MRPL18: variants seen among roughly 807,000 people sequenced by gnomAD.
MRPL18 encodes large ribosomal subunit protein uL18m.
MRPL18 carries 16 observed loss-of-function variants against 20.9 expected under a neutral mutation model. The ratio of observed to expected loss-of-function variants is 0.76; its 90% CI spans 0.52 to 1.16. The LOEUF (loss-of-function observed/expected upper bound fraction) is 1.16, where lower values mean the gene tolerates loss of function less well. Ranked by LOEUF, MRPL18 falls within the 50% of genes most tolerant of loss-of-function variation. MRPL18 has a pLI of 0.00. For synonymous variants in MRPL18, 91 were observed against 87.1 expected (o/e 1.04, Z -0.25); for missense variants, 233 against 230.6 (o/e 1.01, Z -0.07).
upstream of MRPL18, chr6:159,790,183 C>G (rs6929510): frequency 0.2 from 55,654 of 271,988 alleles, 6,143 homozygotes; most frequent in East Asian, 0.34. Flanking sequence ...CTTGCCCTGC[C>G]TTATTCCTAC....
intron 2 of MRPL18, among the ~76,000 whole-genome samples, chr6:159,792,023 C>A: frequency 6.6e-6 from 1 of 152,166 alleles, no homozygotes; most frequent in East Asian, 1.9e-4. Flanking sequence ...TGAACACTTA[C>A]ATTTGCCAGG....
intron 2 of MRPL18, among the ~76,000 whole-genome samples, chr6:159,791,677 G>C (rs1470945159): frequency 6.6e-6 from 1 of 152,158 alleles, no homozygotes; most frequent in Non-Finnish European, 1.5e-5. Flanking sequence ...AGCCGAAGAA[G>C]CCGGATCATC....
chr6:159,797,597 T>C (rs1781064421), intron 3 of MRPL18, 79 bp downstream of exon 3: 1 of 1,343,446 alleles, frequency 7.4e-7, no homozygotes, highest in Non-Finnish European at 1.0e-6. Flanking sequence ...ATAATAACAG[T>C]TTTTACTTAC....
At chr6:159,793,877 A>G (rs1050644254) in intron 2 of MRPL18, among the ~76,000 whole-genome samples, 8 of 151,430 alleles carry the variant, frequency 5.3e-5, no homozygotes, top group African/African-American at 1.9e-4. Context: ...GCGCCACTGC[A>G]CTCCAGCCTG....
intron 2 of MRPL18, among the ~76,000 whole-genome samples, chr6:159,795,659 C>T (rs887887357): frequency 6.6e-6 from 1 of 152,126 alleles, no homozygotes; most frequent in Admixed American, 6.5e-5. Context: ...TCTTTCTACA[C>T]AGACAGTAAC....
At chr6:159,793,132 G>C (rs543459119) in intron 2 of MRPL18, among the ~76,000 whole-genome samples, 2 of 151,882 alleles carry the variant, frequency 1.3e-5, no homozygotes, top group African/African-American at 4.8e-5. Context: ...CGGCCCCAAC[G>C]CATTACTTTG....
At chr6:159,794,845 A>G (rs911865844) in intron 2 of MRPL18, among the ~76,000 whole-genome samples, 1 of 152,324 alleles carries the variant, frequency 6.6e-6, no homozygotes, top group Middle Eastern at 3.4e-3. Flanking sequence ...AAGGGGACCC[A>G]GGGAACCAGC....
intron 2 of MRPL18, 39 bp downstream of exon 2, chr6:159,791,165 C>A (rs752513534): frequency 6.2e-7 from 1 of 1,604,684 alleles, no homozygotes; most frequent in Non-Finnish European, 8.5e-7. Context: ...GGCAGTGCAC[C>A]CTACAGACTA....
At chr6:159,792,368 T>A (rs1780923087) in intron 2 of MRPL18, among the ~76,000 whole-genome samples, 1 of 152,202 alleles carries the variant, frequency 6.6e-6, no homozygotes, top group Non-Finnish European at 1.5e-5. Context: ...GATGTATTAT[T>A]TATTTATTGA....
In MRPL18 at chr6:159,798,301, C is replaced by G; in HGVS notation, c.*178C>G. ...CCTTTCTGTTTTTTTAAATCAAGAA[C>G]TACGTTCTGCCCCTCTCTTGGGCTT... On this transcript the variant is annotated 3_prime_UTR_variant, in exon 4 of 4. Coordinates refer to ENST00000367034, the MANE Select transcript of MRPL18 (RefSeq NM_014161.5). 5.7e-6 allele frequency: 3 copies of G among 527,532 alleles called. No individual in the cohort carries two copies. The South Asian group carries it at 8.6e-5, about 15-fold the overall frequency. The allele number at this position is 527,532 out of a possible 1,614,324, so 32.7% of individuals were successfully genotyped here.
In MRPL18 at chr6:159,797,316, T is replaced by C. The variant is rs1370156794; in HGVS notation, c.269T>C (p.Val90Ala). ...CGAGTTATAAGGACTCAGCATCATG[T>C]AGAAGCACTTGTGGAGCATCAGAAT... is the stretch of plus-strand genomic sequence containing the variant. ...RLRVIRTQHH[V>A]EALVEHQNGK... Residue 90 changes from valine to alanine, a missense_variant, in exon 3 of 4, where the codon GTA becomes GCA. Coordinates refer to ENST00000367034, the MANE Select transcript of MRPL18 (RefSeq NM_014161.5). 1 of 1,614,114 alleles carries C rather than the reference T, an allele frequency of 6.2e-7. No homozygotes were observed. Among genetic ancestry groups the C allele is most frequent in the Non-Finnish European group, 8.5e-7 (1 of 1,180,044 alleles).
chr6:159,794,309 C>T (rs1297276773), intron 2 of MRPL18, among the ~76,000 whole-genome samples: 1 of 152,194 alleles, frequency 6.6e-6, no homozygotes, highest in Admixed American at 6.5e-5. Context: ...GAGCCAGACA[C>T]TGGGACTTAA....
In MRPL18 at chr6:159,790,661, C is replaced by G. The variant is rs769973389; in HGVS notation, c.52+22C>G. The G allele has an allele frequency of 8.1e-6, 13 of 1,613,342 alleles. No homozygotes were observed. The Admixed American group carries it at 8.3e-5, about 10-fold the overall frequency. ...CCTGGTAATTAGTCTTGCCCCCCTT[C>G]TCCCAGCTCACTCGCCTGGGCTTGC... On this transcript the variant is annotated intron_variant, in intron 1 of 3. Coordinates refer to ENST00000367034, the MANE Select transcript of MRPL18 (RefSeq NM_014161.5).
rs772930116 is a variant in MRPL18 at position 159,790,545 on chromosome 6, C to A, written c.-43C>A. 2 of 1,613,750 alleles carry A rather than the reference C, an allele frequency of 1.2e-6. No homozygotes were observed. The highest frequency in any genetic ancestry group is 2.7e-5 in the African/African-American group (2 of 74,984). On this transcript the variant is annotated 5_prime_UTR_variant, in exon 1 of 4. Coordinates refer to ENST00000367034, the MANE Select transcript of MRPL18 (RefSeq NM_014161.5). ...GCTCCTGGCGAGCGACTGAGTCGTC[C>A]GTGAGGAAAAAGAGGCGAGGCTTTT...
chr6:159,797,990 T>C, intron 3 of MRPL18, 62 bp from the exon 4 acceptor site: 2 of 1,373,354 alleles, frequency 1.5e-6, no homozygotes, highest in Non-Finnish European at 2.1e-6. Flanking sequence ...GGTGAAAGTA[T>C]TTTCAGCCTA....
chr6:159,795,658 A>G (rs1046326048), intron 2 of MRPL18, among the ~76,000 whole-genome samples: 1 of 152,108 alleles, frequency 6.6e-6, no homozygotes, highest in Non-Finnish European at 1.5e-5. Context: ...TTCTTTCTAC[A>G]CAGACAGTAA....
At chr6:159,795,574 G>A (rs937443892) in intron 2 of MRPL18, among the ~76,000 whole-genome samples, 3 of 152,156 alleles carry the variant, frequency 2.0e-5, no homozygotes, top group African/African-American at 7.2e-5. Flanking sequence ...TGGGGGTAAG[G>A]TCATAGATTA....
intron 1 of MRPL18, 85 bp downstream of exon 1, chr6:159,790,724 G>C: frequency 6.4e-7 from 1 of 1,560,778 alleles, no homozygotes; most frequent in Middle Eastern, 1.7e-4. Flanking sequence ...TTTTGTATTC[G>C]ACGTGCCGGA....
intron 2 of MRPL18, among the ~76,000 whole-genome samples, chr6:159,793,914 A>G (rs537181561): frequency 6.6e-6 from 1 of 151,882 alleles, no homozygotes; most frequent in South Asian, 2.1e-4. Flanking sequence ...TCCGTCTCAA[A>G]AAAAAAAAAA....
Sources: allele counts gnomAD v4.1 joint callset (sites outside exome capture counted in the v4.1 genomes callset), GRCh38; gene constraint gnomAD v4.1.1; transcripts MANE v1.5; gene names NCBI Gene and HGNC (gene_info 2026-07-23, HGNC 2026-07-21).